The following ALK variants were observed in gnomAD, a reference collection of about 807,000 sequenced individuals.
The protein encoded by ALK is ALK receptor tyrosine kinase, also known as ALK tyrosine kinase receptor.
In ALK, 74 loss-of-function variants were observed where a neutral mutation model predicts 163.1. The ratio of observed to expected loss-of-function variants is 0.45; its 90% confidence interval spans 0.38 to 0.55. The LOEUF (loss-of-function observed/expected upper bound fraction) is 0.55, where lower values mean the gene tolerates loss of function less well. ALK is among the 20% of genes least tolerant of loss of function. The pLI, the probability that ALK is intolerant of heterozygous loss-of-function variation, is 0.00. For synonymous variants in ALK, 960 were observed against 843.2 expected (o/e 1.14, Z -2.40); for missense variants, 2,063 against 2,105.3 (o/e 0.98, Z 0.39).
At chr2:29,235,540 C>T (rs1321569181) in intron 13 of ALK, among the ~76,000 whole-genome samples, 1 of 152,022 alleles carries the variant, frequency 6.6e-6, no homozygotes, top group Admixed American at 6.6e-5. Flanking sequence ...GCAGCTATGT[C>T]CTGGCCTGGG....
At chr2:29,466,856 G>A (rs1437189977) in intron 4 of ALK, among the ~76,000 whole-genome samples, 3 of 152,242 alleles carry the variant, frequency 2.0e-5, no homozygotes, top group Non-Finnish European at 4.4e-5. Context: ...GAAGTGATTA[G>A]AGCACATATT....
intron 24 of ALK, among the ~76,000 whole-genome samples, chr2:29,212,713 T>TG (rs901783511): frequency 2.6e-5 from 4 of 150,974 alleles, no homozygotes; most frequent in African/African-American, 9.7e-5. Context: ...GTTTTTTCTT[T>TG]TTTTTTCTTT....
intron 2 of ALK, among the ~76,000 whole-genome samples, chr2:29,711,948 T>G (rs1407778398): frequency 6.6e-6 from 1 of 152,240 alleles, no homozygotes; most frequent in Admixed American, 6.5e-5. Context: ...TCTCTTATTA[T>G]ATTTTATTCT....
intron 1 of ALK, among the ~76,000 whole-genome samples, chr2:29,877,079 T>C (rs1416522674): frequency 2.0e-5 from 3 of 152,162 alleles, no homozygotes; most frequent in Non-Finnish European, 4.4e-5. Flanking sequence ...TTATCAGAGG[T>C]TCAACGAAGT....
intron 5 of ALK, among the ~76,000 whole-genome samples, chr2:29,330,068 G>A (rs7604069): frequency 5.9e-5 from 9 of 152,020 alleles, no homozygotes; most frequent in African/African-American, 9.7e-5. Context: ...GACAGCACAC[G>A]GCCACCCAGC....
At chr2:29,384,055 C>G (rs546083565) in intron 4 of ALK, among the ~76,000 whole-genome samples, 196 bp from the exon 5 acceptor site, 1 of 152,282 alleles carries the variant, frequency 6.6e-6, no homozygotes, top group East Asian at 1.9e-4. Flanking sequence ...TCCTTTTAGT[C>G]CAACAAACTT....
At chr2:29,707,362 T>C (rs1163865085) in intron 2 of ALK, among the ~76,000 whole-genome samples, 1 of 152,114 alleles carries the variant, frequency 6.6e-6, no homozygotes, top group Admixed American at 6.5e-5. Flanking sequence ...ACAGACCTTC[T>C]ACCCTTCAGG....
intron 1 of ALK, among the ~76,000 whole-genome samples, chr2:29,916,317 A>ACT (rs563748576): frequency 1.3e-5 from 2 of 151,950 alleles, no homozygotes; most frequent in Non-Finnish European, 1.5e-5. Context: ...CTTCACTGCC[A>ACT]CTCTCTCTCT....
In ALK at chr2:29,193,893, C is replaced by A. The variant is rs201653228; in HGVS notation, c.4194G>T (p.Pro1398=). The change falls in exon 29 of 29, where the codon CCG becomes CCT. Residue 1398 remains proline, a synonymous_variant. Transcript: ENST00000389048. ...CTTCCACAAGTGGACCATATTCTAT[C>A]GGCAAAGCGGTGTTGATTACATCCG... is the stretch of plus-strand genomic sequence containing the variant. ...QDPDVINTAL[P]IEYGPLVEEE... The A allele has an allele frequency of 1.2e-6, 2 of 1,614,156 alleles. No individual in the cohort carries two copies. Among genetic ancestry groups the A allele is most frequent in the South Asian group, 2.2e-5 (2 of 91,068 alleles).
intron 4 of ALK, among the ~76,000 whole-genome samples, chr2:29,507,039 A>C (rs1241472285): frequency 6.6e-6 from 1 of 152,202 alleles, no homozygotes; most frequent in East Asian, 1.9e-4. Flanking sequence ...ATCCAAGAAA[A>C]GGGAAAGCAG....
chr2:29,704,967 C>T (rs1293804686), intron 2 of ALK, among the ~76,000 whole-genome samples: 1 of 151,854 alleles, frequency 6.6e-6, no homozygotes, highest in East Asian at 1.9e-4. Context: ...CCTGTAATCC[C>T]AGCACTTTGG....
intron 4 of ALK, among the ~76,000 whole-genome samples, chr2:29,386,619 G>C (rs1669038386): frequency 6.6e-6 from 1 of 152,204 alleles, no homozygotes; most frequent in Admixed American, 6.5e-5. Flanking sequence ...AGCGGCCCTT[G>C]ACAATGATTT....
In ALK at chr2:29,920,518, G is replaced by T. The variant is rs1060500221; in HGVS notation, c.142C>A (p.Arg48Ser). Residue 48 changes from arginine (R) to serine (S), a missense_variant, in exon 1 of 29, where the codon CGC becomes AGC. This residue lies in a region of ALK where 987 missense variants were observed against 939.5 expected (regional missense o/e 1.05). Transcript: ENST00000389048. ...ACTGCCAGACTCTTCCTCTGCAGGC[G>T]CGAGTAGCTGAGTGGCTCCCGGGGC... ...LQPREPLSYSRLQRKSLAVDF... is the reference protein window; with the variant it reads ...LQPREPLSYSSLQRKSLAVDF... 6.2e-7 allele frequency: 1 copy of T among 1,612,172 alleles called. No homozygotes were observed. The highest frequency in any genetic ancestry group is 8.5e-7 in the Non-Finnish European group (1 of 1,179,520).
intron 4 of ALK, among the ~76,000 whole-genome samples, chr2:29,487,495 T>A (rs1671804518): frequency 6.6e-6 from 1 of 152,234 alleles, no homozygotes; most frequent in Non-Finnish European, 1.5e-5. Flanking sequence ...AGTTGGTTAA[T>A]CTGTCAAAAT....
intron 1 of ALK, among the ~76,000 whole-genome samples, chr2:29,870,347 G>C (rs951793821): frequency 2.0e-5 from 3 of 152,106 alleles, no homozygotes; most frequent in African/African-American, 7.2e-5. Flanking sequence ...AAATTCACAT[G>C]GCTGGCAGGA....
chr2:29,896,487 TAAG>T (rs533305385), intron 1 of ALK, among the ~76,000 whole-genome samples: 2 of 152,092 alleles, frequency 1.3e-5, no homozygotes, highest in Non-Finnish European at 2.9e-5. Context: ...CACATCCTTA[TAAG>T]AAGAGGAAGA....
At chr2:29,761,420 G>A (rs1187851312) in intron 1 of ALK, among the ~76,000 whole-genome samples, 2 of 152,140 alleles carry the variant, frequency 1.3e-5, no homozygotes, top group African/African-American at 4.8e-5. Flanking sequence ...CTGGCTGGAG[G>A]AGCAAACTCT....
intron 26 of ALK, among the ~76,000 whole-genome samples, chr2:29,203,217 C>T (rs1669225295): frequency 6.6e-6 from 1 of 152,112 alleles, no homozygotes; most frequent in Non-Finnish European, 1.5e-5. Context: ...AACAAAGGCT[C>T]TTGCTCTCAT....
At chr2:29,617,024 C>T (rs1675866051) in intron 3 of ALK, among the ~76,000 whole-genome samples, 1 of 152,098 alleles carries the variant, frequency 6.6e-6, no homozygotes, top group African/African-American at 2.4e-5. Flanking sequence ...TGGTGAATAT[C>T]TACTATGTGA....
Sources: gnomAD v4.1 joint callset for allele counts (sites outside exome capture counted in the v4.1 genomes callset) on GRCh38, gnomAD v4.1.1 for gene constraint, gnomAD v4.1.1 regional missense constraint, MANE v1.5 for transcripts, NCBI Gene and HGNC (gene_info 2026-07-23, HGNC 2026-07-21) for gene names.